SENP6: variants seen among roughly 807,000 people sequenced by gnomAD.
SENP6 encodes sentrin-specific protease 6.
Under a neutral mutation model 134.5 loss-of-function variants are expected in SENP6, and 41 were observed. That is an observed-to-expected ratio of 0.30 (90% CI 0.24 to 0.40). The LOEUF is 0.40. SENP6 is among the 10% of genes least tolerant of loss of function. The pLI is 1.00. For synonymous variants in SENP6, 395 were observed against 429.8 expected, an observed-to-expected ratio of 0.92 and a Z score of 1.00; for missense variants, 1,248 against 1,312.5, an observed-to-expected ratio of 0.95 and a Z score of 0.76.
chr6:75,640,639 A>G (rs201826577), intron 5 of SENP6, 45 bp from the exon 6 acceptor site: 47 of 1,396,038 alleles, frequency 3.4e-5, no homozygotes, highest in Non-Finnish European at 4.3e-5. Flanking sequence ...TATATCAACA[A>G]TGAGGTCTTG....
chr6:75,689,428 AAAAC>A (rs1207731933), intron 16 of SENP6, among the ~76,000 whole-genome samples: 1 of 152,172 alleles, frequency 6.6e-6, no homozygotes, highest in East Asian at 1.9e-4. Flanking sequence ...AAAACAAAAA[AAAAC>A]AGAAAATAAG....
At chr6:75,608,728 G>A (rs1024346127) in intron 1 of SENP6, among the ~76,000 whole-genome samples, 4 of 152,096 alleles carry the variant, frequency 2.6e-5, no homozygotes, top group East Asian at 1.9e-4. Flanking sequence ...AATAATTGTC[G>A]TTAAAAATAA....
At chr6:75,663,826 G>T (rs1251560232) in intron 9 of SENP6, among the ~76,000 whole-genome samples, 2 of 148,920 alleles carry the variant, frequency 1.3e-5, no homozygotes, top group Non-Finnish European at 3.0e-5. Flanking sequence ...TTTTGTGGGG[G>T]GGGGGGTGCC....
intron 10 of SENP6, among the ~76,000 whole-genome samples, chr6:75,669,275 C>T (rs1471447436): frequency 6.6e-6 from 1 of 152,054 alleles, no homozygotes; most frequent in Non-Finnish European, 1.5e-5. Flanking sequence ...TTGCTTGAAC[C>T]CCCTAGGGAG....
At position 75,717,342 on chromosome 6, in the gene SENP6, T is replaced by C. The variant is rs1219109286; in HGVS notation, c.*1748T>C. On this transcript the variant is annotated 3_prime_UTR_variant, in exon 24 of 24. Coordinates refer to ENST00000447266, the MANE Select transcript of SENP6 (RefSeq NM_015571.4). ...AAAACTATTCTAAAATGCCTACTTG[T>C]TTTTGCATTAATTTGTAATGCTTAC... The C allele has an allele frequency of 6.6e-6, 1 of 152,036 alleles. No individual in the cohort carries two copies. Among genetic ancestry groups the C allele is most frequent in the Non-Finnish European group, 1.5e-5 (1 of 67,914 alleles). The allele number at this position is 152,036 out of a possible 1,614,324, so 9.4% of individuals were successfully genotyped here. A position where few individuals can be genotyped will look rare whatever the true frequency, so the allele number is the denominator to read the frequency against.
intron 1 of SENP6, among the ~76,000 whole-genome samples, chr6:75,607,232 G>A (rs1487220200): frequency 1.3e-5 from 2 of 151,886 alleles, no homozygotes; most frequent in African/African-American, 2.4e-5. Context: ...CCAGGAGGGC[G>A]AGGCTGCAGT....
chr6:75,621,166 C>T lies in SENP6; in HGVS notation c.53-366C>T, dbSNP rs576559502. The stretch of plus-strand genomic sequence containing the variant: ...AGAGTCTAGCAGTCTGGATATAGTT[C>T]TCATGAAGAAGGCAAGCAAACTATT... On this transcript the variant is annotated intron_variant, in intron 1 of 23. Coordinates refer to ENST00000447266, the MANE Select transcript of SENP6 (RefSeq NM_015571.4). Among the ~76,000 whole-genome samples the T allele has an allele frequency of 2.0e-5, 3 of 152,210 alleles. No homozygotes were observed. The South Asian group carries it at 6.2e-4, about 32-fold the overall frequency.
Position 75,623,823 on chromosome 6 carries a change from T to C in SENP6, c.147-77T>C, listed in dbSNP as rs577800282. ...GCTGATTCCCTGAATTAGGTGAACATAGAGGATAAAACCTCAGAATTTAAT... is the reference window on the plus strand; with the variant it reads ...GCTGATTCCCTGAATTAGGTGAACACAGAGGATAAAACCTCAGAATTTAAT... On this transcript the variant is annotated intron_variant, in intron 2 of 23. Coordinates refer to ENST00000447266, the MANE Select transcript of SENP6 (RefSeq NM_015571.4). The C allele has an allele frequency of 3.0e-5, 38 of 1,287,248 alleles. 1 individual carries two copies. In the South Asian group the frequency reaches 4.6e-4, roughly 15 times the overall value. 79.7% of individuals were successfully genotyped at this position (1,287,248 alleles called of 1,614,324 possible).
rs1266356946 is a variant in SENP6, at chr6:75,671,670, C to T, written c.1392+950C>T. 3.3e-5 allele frequency among the ~76,000 whole-genome samples: 5 copies of T among 152,166 alleles called. No individual in the cohort carries two copies. The South Asian group carries it at 1.0e-3, about 32-fold the overall frequency. On this transcript the variant is annotated intron_variant, in intron 11 of 23. Transcript: ENST00000447266. ...CTGGGAGGCAGAGGTTGCAGTGAGC[C>T]GAGACGGCGCCACTGCACTCCAGTC...
chr6:75,685,582 G>A (rs1017688377), intron 16 of SENP6, among the ~76,000 whole-genome samples: 1 of 152,194 alleles, frequency 6.6e-6, no homozygotes, highest in Admixed American at 6.5e-5. Flanking sequence ...GTGTCCAAGA[G>A]ATTCTGGTAC....
At chr6:75,659,235 A>G (rs764355768) in intron 7 of SENP6, 27 bp from the exon 8 acceptor site, 2 of 1,550,146 alleles carry the variant, frequency 1.3e-6, no homozygotes, top group Middle Eastern at 1.7e-4. Flanking sequence ...CTAAAACTTA[A>G]AGTTTATTTT....
chr6:75,622,449 C>T (rs1463930509), intron 2 of SENP6, among the ~76,000 whole-genome samples: 1 of 152,116 alleles, frequency 6.6e-6, no homozygotes, highest in Non-Finnish European at 1.5e-5. Flanking sequence ...ATCCCAGCTA[C>T]TCAGGAGGCT....
At chr6:75,638,622 ATTTTTTTTTT>A (rs57353168) in intron 5 of SENP6, among the ~76,000 whole-genome samples, 13 of 29,884 alleles carry the variant, frequency 4.4e-4, no homozygotes, top group African/African-American at 1.6e-3. Flanking sequence ...ATATATATAT[ATTTTTTTTTT>A]TTTTTTTTTT....
rs572906472 is a variant in SENP6 at position 75,666,927 on chromosome 6, A to G, written c.1210A>G (p.Arg404Gly). Residue 404 changes from arginine to glycine, a missense_variant, in exon 10 of 24, where the codon AGA becomes GGA. By Grantham distance (125) the Arg-to-Gly change is moderately radical. Coordinates refer to ENST00000447266, the MANE Select transcript of SENP6 (RefSeq NM_015571.4). The part of the protein sequence containing the change: ...LNTVTLPRKA[R>G]MKDQFGNSII... ...TACAGTTACATTGCCAAGAAAAGCA[A>G]GAATGAAAGACCAGGTACTTTTCAC... 3 of 1,599,020 alleles carry G rather than the reference A, an allele frequency of 1.9e-6. No individual in the cohort carries two copies. In the African/African-American group the frequency reaches 4.0e-5, roughly 21 times the overall value.
intron 23 of SENP6, 26 bp downstream of exon 23, chr6:75,713,851 T>C (rs766009027): frequency 2.0e-6 from 3 of 1,491,272 alleles, no homozygotes; most frequent in Non-Finnish European, 2.7e-6. Context: ...TTGGATCTGC[T>C]ATAATAAATA....
rs142990924 is a variant in SENP6 at position 75,683,114 on chromosome 6, G to A, written c.2075+4187G>A. 5.2e-3 allele frequency among the ~76,000 whole-genome samples: 790 copies of A among 152,238 alleles called. 4 individuals carry two copies. The highest frequency in any genetic ancestry group is 7.7e-3 in the Non-Finnish European group (523 of 68,008). ...ATTGCCATTCTAACTGGCATGAGAT[G>A]GTTATCTCATTGTGGTTTTTGATTT... On this transcript the variant is annotated intron_variant, in intron 16 of 23. Transcript: ENST00000447266.
intron 14 of SENP6, chr6:75,678,020 A>C (rs148139549): frequency 6.5e-6 from 1 of 152,690 alleles, no homozygotes; most frequent in Non-Finnish European, 1.5e-5. Flanking sequence ...GAAAAGAACA[A>C]AAGAAGAAAG....
chr6:75,660,671 C>T (rs575720482), intron 8 of SENP6, among the ~76,000 whole-genome samples: 1 of 151,932 alleles, frequency 6.6e-6, no homozygotes, highest in South Asian at 2.1e-4. Context: ...CTTGCTCTGT[C>T]ACCCAGGCTG....
At chr6:75,699,098 C>T (rs1282997583) in intron 18 of SENP6, among the ~76,000 whole-genome samples, 1 of 151,392 alleles carries the variant, frequency 6.6e-6, no homozygotes, top group Non-Finnish European at 1.5e-5. Context: ...AACATGTGAA[C>T]AGCTTACTAG....
Sources: gnomAD v4.1 joint callset for allele counts (sites outside exome capture counted in the v4.1 genomes callset) on GRCh38, gnomAD v4.1.1 for gene constraint, MANE v1.5 for transcripts, NCBI Gene and HGNC (gene_info 2026-07-23, HGNC 2026-07-21) for gene names.